GRM7: variants seen among roughly 807,000 people sequenced by gnomAD.
The protein encoded by GRM7 is metabotropic glutamate receptor 7.
Under a neutral mutation model 84.5 loss-of-function variants are expected in GRM7, and 35 were observed. That is an observed-to-expected ratio of 0.41 (90% CI 0.32 to 0.55). The LOEUF is 0.55. Among genes scored for constraint, GRM7 ranks in the 20% least tolerant of loss-of-function variants. GRM7 has a pLI of 0.19. For synonymous variants in GRM7, 487 were observed against 455.1 expected (o/e 1.07, Z -0.89); for missense variants, 1,003 against 1,194.6 (o/e 0.84, Z 2.36).
At chr3:7,041,561 T>C (rs1277178488) in intron 1 of GRM7, among the ~76,000 whole-genome samples, 2 of 152,256 alleles carry the variant, frequency 1.3e-5, no homozygotes, top group Admixed American at 1.3e-4. Context: ...ATATTTCTAC[T>C]ATTACAAGTG....
chr3:7,503,385 C>T (rs1699941663), intron 7 of GRM7, among the ~76,000 whole-genome samples: 1 of 150,018 alleles, frequency 6.7e-6, no homozygotes, highest in South Asian at 2.1e-4. Flanking sequence ...AATGTGCACG[C>T]ACATGCACAC....
At chr3:7,249,938 G>A (rs1457825173) in intron 2 of GRM7, among the ~76,000 whole-genome samples, 3 of 152,158 alleles carry the variant, frequency 2.0e-5, no homozygotes, top group Non-Finnish European at 1.5e-5. Flanking sequence ...CAGGAAGGAC[G>A]AAATGGGAAG....
At chr3:7,103,365 C>G (rs1699176270) in intron 1 of GRM7, among the ~76,000 whole-genome samples, 1 of 151,788 alleles carries the variant, frequency 6.6e-6, no homozygotes, top group Non-Finnish European at 1.5e-5. Context: ...ATTCTAAATT[C>G]TGCCTCTTTG....
chr3:6,915,569 A>G (rs1696914663), intron 1 of GRM7, among the ~76,000 whole-genome samples: 1 of 152,198 alleles, frequency 6.6e-6, no homozygotes, highest in African/African-American at 2.4e-5. Flanking sequence ...TTCTATGCAT[A>G]CCAATGAACC....
In GRM7 at chr3:7,070,403, T is replaced by C. The variant is rs149145961; in HGVS notation, c.520-76049T>C. On this transcript the variant is annotated intron_variant, in intron 1 of 9. Transcript: ENST00000357716. ...GCTTAACACTTTTCTTCTGATTGAA[T>C]GATTTGCATTAATTACAAATGAATG... is the stretch of plus-strand genomic sequence containing the variant. Among the ~76,000 whole-genome samples, 230 of 152,254 alleles carry C rather than the reference T, an allele frequency of 1.5e-3. 2 individuals are homozygous for C. Among genetic ancestry groups the C allele is most frequent in the Non-Finnish European group, 2.6e-3 (174 of 67,998 alleles).
intron 1 of GRM7, among the ~76,000 whole-genome samples, chr3:6,868,904 T>A (rs79259433): frequency 0.071 from 10,879 of 152,236 alleles, 497 homozygotes; most frequent in East Asian, 0.18. Context: ...TCTCCATCTT[T>A]GGGTGTTGTG....
intron 4 of GRM7, among the ~76,000 whole-genome samples, chr3:7,317,423 T>G (rs1012897303): frequency 5.9e-5 from 9 of 152,166 alleles, no homozygotes; most frequent in African/African-American, 2.2e-4. Context: ...AAGTTGATTT[T>G]GCATATGAGG....
At chr3:7,597,878 G>C (rs1696125858) in intron 8 of GRM7, among the ~76,000 whole-genome samples, 2 of 152,124 alleles carry the variant, frequency 1.3e-5, no homozygotes, top group East Asian at 3.9e-4. Context: ...TCATAAATGA[G>C]GAATAAGGGA....
intron 2 of GRM7, among the ~76,000 whole-genome samples, chr3:7,264,840 G>A (rs563866842): frequency 2.1e-5 from 3 of 145,868 alleles, no homozygotes; most frequent in Admixed American, 7.0e-5. Context: ...GAGTTACCTC[G>A]GGTCTCCTAG....
At chr3:6,981,745 A>C (rs1019242867) in intron 1 of GRM7, among the ~76,000 whole-genome samples, 10 of 152,160 alleles carry the variant, frequency 6.6e-5, no homozygotes, top group African/African-American at 1.9e-4. Context: ...TCATAATGAG[A>C]TACCCTCTTA....
chr3:7,312,472 G>C (rs1007165711), intron 4 of GRM7, among the ~76,000 whole-genome samples: 1 of 152,112 alleles, frequency 6.6e-6, no homozygotes, highest in African/African-American at 2.4e-5. Context: ...GTGTCCCTGG[G>C]GCTTGGTAGG....
At position 7,680,152 on chromosome 3, in the gene GRM7, C is replaced by A; in HGVS notation, c.2555C>A (p.Pro852His). Residue 852 changes from proline to histidine, a missense_variant, in exon 9 of 10, where the codon CCT becomes CAT. Coordinates refer to ENST00000357716, the MANE Select transcript of GRM7 (RefSeq NM_000844.4). ...AAAGTGTACATCATCATTTTCCACC[C>A]TGAACTCAATGTCCAGAAACGGAAG... ...MPKVYIIIFH[P>H]ELNVQKRKRS... 6.2e-7 allele frequency: 1 copy of A among 1,614,186 alleles called. No homozygotes were observed. Among genetic ancestry groups the A allele is most frequent in the Non-Finnish European group, 8.5e-7 (1 of 1,180,012 alleles).
intron 1 of GRM7, among the ~76,000 whole-genome samples, chr3:6,983,952 C>A (rs1694303519): frequency 6.6e-6 from 1 of 152,076 alleles, no homozygotes; most frequent in South Asian, 2.1e-4. Flanking sequence ...ATCAAAATAA[C>A]CCTCCATGTG....
At chr3:7,294,422 G>T (rs1699744380) in intron 2 of GRM7, among the ~76,000 whole-genome samples, 1 of 152,114 alleles carries the variant, frequency 6.6e-6, no homozygotes, top group Admixed American at 6.5e-5. Context: ...AGACTTGGAG[G>T]AATCATGGCA....
Position 6,928,575 on chromosome 3 carries a change from A to G in GRM7, c.519+66668A>G, listed in dbSNP as rs1697391263. 6.6e-6 allele frequency among the ~76,000 whole-genome samples: 1 copy of G among 152,202 alleles called. No individual in the cohort carries two copies. Among genetic ancestry groups the G allele is most frequent in the Admixed American group, 6.6e-5 (1 of 15,266 alleles). On this transcript the variant is annotated intron_variant, in intron 1 of 9. Transcript: ENST00000357716. The surrounding 1 kb of genome is among the most constrained non-coding windows in gnomAD (Gnocchi z 4.5). ...CTTTTAAAATAAATGTTTGTAATTA[A>G]TAACATTTAGATAGGGGGAAAATAA... is the stretch of plus-strand genomic sequence containing the variant.
At chr3:7,057,348 C>G (rs1697264325) in intron 1 of GRM7, among the ~76,000 whole-genome samples, 1 of 151,878 alleles carries the variant, frequency 6.6e-6, no homozygotes, top group African/African-American at 2.4e-5. Context: ...CTTTTTTCAA[C>G]TAACCTATTC....
At chr3:7,573,123 C>G (rs760387589) in intron 7 of GRM7, among the ~76,000 whole-genome samples, 1 of 151,596 alleles carries the variant, frequency 6.6e-6, no homozygotes, top group Non-Finnish European at 1.5e-5. Context: ...TACCTCACCC[C>G]TCCTCATCAG....
Position 6,863,544 on chromosome 3 carries a change from T to C in GRM7, c.519+1637T>C, listed in dbSNP as rs1439643882. On this transcript the variant is annotated intron_variant, in intron 1 of 9. Coordinates refer to ENST00000357716, the MANE Select transcript of GRM7 (RefSeq NM_000844.4). The surrounding 1 kb of genome is among the most constrained non-coding windows in gnomAD (Gnocchi z 4.8). Reference sequence around the variant, plus strand: ...TTCCTGAGTGCCATCATGGAAATCCTGGCAGGTCTGCAAACCCAAAAGTGC... The same window carrying C: ...TTCCTGAGTGCCATCATGGAAATCCCGGCAGGTCTGCAAACCCAAAAGTGC... 6.6e-6 allele frequency among the ~76,000 whole-genome samples: 1 copy of C among 152,198 alleles called. No homozygotes were observed. Among genetic ancestry groups the C allele is most frequent in the Admixed American group, 6.5e-5 (1 of 15,288 alleles).
At chr3:7,010,042 A>G (rs1218573509) in intron 1 of GRM7, among the ~76,000 whole-genome samples, 1 of 152,252 alleles carries the variant, frequency 6.6e-6, no homozygotes, top group Non-Finnish European at 1.5e-5. Flanking sequence ...ACCTGTTAAT[A>G]TATTACAGAT....
Sources: gnomAD v4.1 joint callset for allele counts (sites outside exome capture counted in the v4.1 genomes callset) on GRCh38, gnomAD v4.1.1 for gene constraint, Gnocchi (gnomAD v3.1) non-coding constraint, MANE v1.5 for transcripts, NCBI Gene and HGNC (gene_info 2026-07-23, HGNC 2026-07-21) for gene names.